The following DSE variants were observed in gnomAD, a reference collection of about 807,000 sequenced individuals.
The protein encoded by DSE is dermatan sulfate epimerase.
A neutral mutation model predicts 84.4 loss-of-function variants in DSE; 36 were observed. That is an observed-to-expected ratio of 0.43 (90% CI 0.33 to 0.56). DSE has a LOEUF of 0.56. Among genes scored for constraint, DSE ranks in the 20% least tolerant of loss-of-function variants. The pLI, the probability that DSE is intolerant of heterozygous loss-of-function variation, is 0.06. For synonymous variants in DSE, 410 were observed against 430.1 expected (o/e 0.95, Z 0.58); for missense variants, 862 against 1,169.6 (o/e 0.74, Z 3.84).
chr6:116,339,326 T>A (rs975527163), intron 2 of DSE, among the ~76,000 whole-genome samples: 3 of 151,530 alleles, frequency 2.0e-5, no homozygotes, highest in African/African-American at 4.9e-5. Flanking sequence ...TTTTTTTTTT[T>A]AATCTCATGG....
chr6:116,405,028 G>C (rs1390530597), intron 2 of DSE, among the ~76,000 whole-genome samples: 2 of 146,252 alleles, frequency 1.4e-5, no homozygotes, highest in Non-Finnish European at 3.0e-5. Flanking sequence ...TTAAATTCTT[G>C]CCTGTGATTG....
intron 2 of DSE, chr6:116,288,615 G>A (rs1194175063): frequency 3.9e-5 from 6 of 152,062 alleles, no homozygotes; most frequent in African/African-American, 1.4e-4. Flanking sequence ...ATAGGCACTA[G>A]CCATATGTGT....
chr6:116,378,496 T>G (rs1780053118), intron 1 of DSE, among the ~76,000 whole-genome samples: 1 of 152,186 alleles, frequency 6.6e-6, no homozygotes, highest in African/African-American at 2.4e-5. Flanking sequence ...GGTTAAATAT[T>G]GATCATATAT....
chr6:116,260,948 A>T (rs528426551), intron 2 of DSE, among the ~76,000 whole-genome samples: 1 of 152,126 alleles, frequency 6.6e-6, no homozygotes, highest in East Asian at 1.9e-4. Context: ...TTTGTTTAGG[A>T]TTGCCTTGGG....
chr6:116,405,719 A>G (rs1781880572), intron 2 of DSE, among the ~76,000 whole-genome samples: 1 of 152,232 alleles, frequency 6.6e-6, no homozygotes, highest in Admixed American at 6.5e-5. Flanking sequence ...CCGTTTATTA[A>G]GCAGGTTGTT....
chr6:116,430,905 G>C (rs147512747), intron 3 of DSE, 49 bp from the exon 4 acceptor site: 18 of 1,595,294 alleles, frequency 1.1e-5, no homozygotes, highest in Middle Eastern at 2.3e-4. Flanking sequence ...TTTTGTTTAT[G>C]CTTTGTCACA....
intron 2 of DSE, among the ~76,000 whole-genome samples, chr6:116,324,986 G>C (rs906935482): frequency 2.0e-5 from 3 of 152,184 alleles, no homozygotes; most frequent in Admixed American, 1.3e-4. Flanking sequence ...TTGGAGATTA[G>C]CTAGGGACAC....
intron 1 of DSE, among the ~76,000 whole-genome samples, chr6:116,378,184 G>A (rs2114937802): frequency 6.6e-6 from 1 of 152,254 alleles, no homozygotes; most frequent in African/African-American, 2.4e-5. Context: ...GCATCAAGAA[G>A]GATTTATGGT....
intron 2 of DSE, among the ~76,000 whole-genome samples, chr6:116,419,227 A>G (rs888951833): frequency 4.6e-5 from 7 of 152,250 alleles, no homozygotes; most frequent in African/African-American, 1.7e-4. Flanking sequence ...ATGAGGCCTC[A>G]GAGGTGAGAA....
At chr6:116,259,355 T>C in intron 2 of DSE, 1 of 417,052 alleles carries the variant, frequency 2.4e-6, no homozygotes, top group South Asian at 2.6e-5. Context: ...CAACTCGATA[T>C]AGGTGTATGG....
At chr6:116,371,208 C>T in intron 1 of DSE, 87 bp downstream of exon 1, 1 of 985,048 alleles carries the variant, frequency 1.0e-6, no homozygotes, top group Non-Finnish European at 1.2e-6. Flanking sequence ...TCGGGGCTGT[C>T]CCGGCGCGGG....
intron 2 of DSE, among the ~76,000 whole-genome samples, chr6:116,300,085 G>A (rs751918564): frequency 1.3e-5 from 2 of 152,154 alleles, no homozygotes; most frequent in Non-Finnish European, 2.9e-5. Flanking sequence ...TTAGGAAGAT[G>A]TATATAGTAG....
intron 2 of DSE, among the ~76,000 whole-genome samples, chr6:116,305,972 C>G (rs1775320415): frequency 6.6e-6 from 1 of 152,018 alleles, no homozygotes; most frequent in Non-Finnish European, 1.5e-5. Flanking sequence ...AACATATACA[C>G]TGAATTATTA....
At chr6:116,370,763 G>T, upstream of DSE, 1 of 925,320 alleles carries the variant, frequency 1.1e-6, no homozygotes, top group Non-Finnish European at 1.3e-6. Context: ...GAGAAAGCGG[G>T]GCGGGCCTGC....
chr6:116,278,401 A>T, intron 2 of DSE: 1 of 1,389,536 alleles, frequency 7.2e-7, no homozygotes, highest in Non-Finnish European at 1.0e-6. Context: ...AACAGGGTGC[A>T]GAAAAGTCAG....
At chr6:116,373,808 A>C (rs923712905) in intron 1 of DSE, among the ~76,000 whole-genome samples, 1 of 152,120 alleles carries the variant, frequency 6.6e-6, no homozygotes, top group Non-Finnish European at 1.5e-5. Context: ...TAAACAATAA[A>C]ATATTTATAC....
chr6:116,344,428 C>T (rs553398458), intron 2 of DSE, among the ~76,000 whole-genome samples: 3 of 152,302 alleles, frequency 2.0e-5, no homozygotes, highest in Non-Finnish European at 2.9e-5. Context: ...AGACTAACAG[C>T]GGATCTCTCG....
intron 2 of DSE, among the ~76,000 whole-genome samples, chr6:116,304,122 CAAAA>C (rs10641724): frequency 1.8e-5 from 2 of 111,048 alleles, no homozygotes; most frequent in African/African-American, 3.2e-5. Flanking sequence ...GACTCCGTCT[CAAAA>C]AAAAAAAAAA....
chr6:116,385,564 A>T (rs115795507), intron 1 of DSE, among the ~76,000 whole-genome samples: 1,918 of 152,224 alleles, frequency 0.013, 37 homozygotes, highest in African/African-American at 0.044. Flanking sequence ...TACTGGCAGG[A>T]TTAGTTGCCA....
Sources: gnomAD v4.1 joint callset for allele counts (sites outside exome capture counted in the v4.1 genomes callset) on GRCh38, gnomAD v4.1.1 for gene constraint, MANE v1.5 for transcripts, NCBI Gene and HGNC (gene_info 2026-07-23, HGNC 2026-07-21) for gene names.